Variants in TSGA10 observed in about 807,000 individuals in gnomAD.
TSGA10 encodes the protein testis-specific gene 10 protein.
TSGA10 carries 43 observed loss-of-function variants against 96.6 expected under a neutral mutation model. The observed-to-expected ratio is 0.44, with a 90% CI of 0.35 to 0.57. The LOEUF is 0.57. Ranked by LOEUF, TSGA10 falls within the 20% of genes least tolerant of loss-of-function variation. The pLI is 0.01. For synonymous variants in TSGA10, 229 were observed against 269.9 expected, an observed-to-expected ratio of 0.85 and a Z score of 1.48; for missense variants, 703 against 834.4, an observed-to-expected ratio of 0.84 and a Z score of 1.94.
chr2:99,098,438 C>CAAAAAAAAA (rs59144676), intron 10 of TSGA10, among the ~76,000 whole-genome samples: 4 of 92,612 alleles, frequency 4.3e-5, no homozygotes, highest in Admixed American at 1.1e-4. Context: ...GACTCTGCCT[C>CAAAAAAAAA]AAAAAAAAAA....
intron 16 of TSGA10, among the ~76,000 whole-genome samples, chr2:99,041,978 A>G (rs2082225191): frequency 6.6e-6 from 1 of 152,138 alleles, no homozygotes; most frequent in South Asian, 2.1e-4. Context: ...ATCAGCAAGA[A>G]AGAAACAAAC....
rs1280962331 is a variant in TSGA10 at position 99,035,350 on chromosome 2, C to A, written c.1494G>T (p.Gln498His). Residue 498 changes from glutamine to histidine, a missense_variant, in exon 17 of 21, where the codon CAG becomes CAT. Physicochemically the swap from Gln to His is conservative, Grantham distance 24. Around this residue, in one of 3 missense-constraint regions of TSGA10, gnomAD observed 585 missense variants for 656.8 expected, o/e 0.89. Coordinates refer to ENST00000393483, the MANE Select transcript of TSGA10 (RefSeq NM_025244.4). ...CTGCAAGAGCGGACACTTTTTCAAA[C>A]TGAACCTTCTGAAGCTCCTCTTCCA... ...VKMEEELQKV[Q>H]FEKVSALADL... 1.4e-5 allele frequency: 23 copies of A among 1,613,380 alleles called. No homozygotes were observed. The highest frequency in any genetic ancestry group is 1.9e-5 in the Non-Finnish European group (22 of 1,179,580).
intron 1 of TSGA10, among the ~76,000 whole-genome samples, chr2:99,131,119 G>A (rs531028244): frequency 1.3e-5 from 2 of 152,134 alleles, no homozygotes; most frequent in South Asian, 2.1e-4. Flanking sequence ...GCTATATGGG[G>A]TCTTTTTTGG....
In TSGA10 at chr2:98,997,443, A is replaced by G. The variant is rs1362496235; in HGVS notation, c.*754T>C. 1 of 152,100 alleles carries G rather than the reference A, an allele frequency of 6.6e-6. No homozygotes were observed. Among genetic ancestry groups the G allele is most frequent in the East Asian group, 1.9e-4 (1 of 5,202 alleles). The allele number at this position is 152,100 out of a possible 1,614,324, so 9.4% of individuals were successfully genotyped here. A position where few individuals can be genotyped will look rare whatever the true frequency, so the allele number is the denominator to read the frequency against. ...ATCACTTATCTTATTACTCCAGATTACAGACAGCTGCCACAGACAATAAAA... is the reference window on the plus strand; with the variant it reads ...ATCACTTATCTTATTACTCCAGATTGCAGACAGCTGCCACAGACAATAAAA... On this transcript the variant is annotated 3_prime_UTR_variant, in exon 21 of 21. Transcript: ENST00000393483.
At chr2:99,012,441 C>T (rs550531529) in intron 20 of TSGA10, among the ~76,000 whole-genome samples, 45 of 152,244 alleles carry the variant, frequency 3.0e-4, no homozygotes, top group Middle Eastern at 3.4e-3. Context: ...TCAAGAGACT[C>T]ACCTAACACA....
intron 1 of TSGA10, among the ~76,000 whole-genome samples, chr2:99,135,901 C>T (rs755348651): frequency 2.0e-5 from 3 of 150,996 alleles, no homozygotes; most frequent in Non-Finnish European, 2.9e-5. Context: ...CCCAGCTACT[C>T]GAGAGGCTGA....
chr2:99,137,524 TG>T lies in TSGA10; in HGVS notation c.-620-10349del, dbSNP rs571584640. 9.8e-5 allele frequency among the ~76,000 whole-genome samples: 15 copies of T among 152,308 alleles called. No individual in the cohort carries two copies. The East Asian group carries it at 2.9e-3, about 29-fold the overall frequency. The stretch of plus-strand genomic sequence containing the variant: ...TTTAATTGCAGTGGGAAGCCATTGG[TG>T]TATTTTTGAGCCAGGATCATCTTAT... On this transcript the variant is annotated intron_variant, in intron 1 of 20. Coordinates refer to ENST00000393483, the MANE Select transcript of TSGA10 (RefSeq NM_025244.4).
chr2:99,116,069 T>C (rs1239078790), intron 4 of TSGA10, among the ~76,000 whole-genome samples: 3 of 152,264 alleles, frequency 2.0e-5, no homozygotes, highest in Admixed American at 6.5e-5. Context: ...TATTATTTGC[T>C]ATAAGAGTCC....
intron 1 of TSGA10, among the ~76,000 whole-genome samples, chr2:99,146,815 G>T (rs1169440572): frequency 6.6e-6 from 1 of 152,142 alleles, no homozygotes; most frequent in Non-Finnish European, 1.5e-5. Context: ...TTTTAGTAGA[G>T]ACAGAGTTTC....
intron 20 of TSGA10, among the ~76,000 whole-genome samples, chr2:99,000,390 T>C (rs1447443860): frequency 1.3e-5 from 2 of 150,580 alleles, no homozygotes; most frequent in Non-Finnish European, 2.9e-5. Flanking sequence ...ACACCTGTAA[T>C]CTCACCTACT....
intron 1 of TSGA10, among the ~76,000 whole-genome samples, chr2:99,149,535 C>T (rs1259540920): frequency 3.3e-5 from 5 of 150,900 alleles, no homozygotes; most frequent in African/African-American, 9.8e-5. Flanking sequence ...CTCAGCCTCC[C>T]GGGTTCACAC....
chr2:99,061,929 A>T (rs2084739529), intron 16 of TSGA10, among the ~76,000 whole-genome samples: 1 of 152,250 alleles, frequency 6.6e-6, no homozygotes, highest in Non-Finnish European at 1.5e-5. Flanking sequence ...GCATGCACAG[A>T]AGAAAGGCCA....
In TSGA10 at chr2:99,078,271, GAAAAAAAA is replaced by G. The variant is rs200891345; in HGVS notation, c.882+380_882+387del. Among the ~76,000 whole-genome samples the G allele has an allele frequency of 6.0e-4, 49 of 81,464 alleles. No homozygotes were observed. The East Asian group carries it at 0.012, about 21-fold the overall frequency. The allele number at this position is 81,464 out of a possible 152,430, so 53.4% of individuals were successfully genotyped here. ...GGGCAAGGGAGGAAGACTCCCGTTT[GAAAAAAAA>G]AAAAAAAAAAAAAGTGTTCCTAGTT... is the stretch of plus-strand genomic sequence containing the variant. On this transcript the variant is annotated intron_variant, in intron 12 of 20. Transcript: ENST00000393483.
intron 1 of TSGA10, among the ~76,000 whole-genome samples, chr2:99,131,764 A>G (rs2093099528): frequency 1.3e-5 from 2 of 152,208 alleles, no homozygotes; most frequent in East Asian, 1.9e-4. Context: ...GTTTCTCATA[A>G]ATAGCTCTTA....
intron 1 of TSGA10, among the ~76,000 whole-genome samples, chr2:99,140,467 T>C (rs6717723): frequency 0.58 from 87,410 of 150,984 alleles, 26,146 homozygotes; most frequent in East Asian, 0.88. Context: ...CTATGCAAAC[T>C]TTCCCGAAGC....
At chr2:99,021,812 T>C (rs2080033833) in intron 17 of TSGA10, among the ~76,000 whole-genome samples, 1 of 152,326 alleles carries the variant, frequency 6.6e-6, no homozygotes, top group Middle Eastern at 3.4e-3. Flanking sequence ...ATCTAGTCTA[T>C]TCTAGTCTAT....
intron 1 of TSGA10, among the ~76,000 whole-genome samples, chr2:99,131,883 G>C (rs987988832): frequency 1.3e-5 from 2 of 152,030 alleles, no homozygotes; most frequent in Non-Finnish European, 1.5e-5. Context: ...ATAATCATGT[G>C]GTTTTTGTCA....
intron 1 of TSGA10, among the ~76,000 whole-genome samples, chr2:99,144,846 G>A (rs1432661883): frequency 6.6e-6 from 1 of 152,106 alleles, no homozygotes; most frequent in Non-Finnish European, 1.5e-5. Flanking sequence ...AGGTCCTGAA[G>A]CAGGAGAAGG....
chr2:99,130,743 G>C (rs1205705713), intron 1 of TSGA10, among the ~76,000 whole-genome samples: 2 of 151,980 alleles, frequency 1.3e-5, no homozygotes, highest in Admixed American at 1.3e-4. Flanking sequence ...TTCTAGAGTT[G>C]TTATGGTCTT....
Sources: gnomAD v4.1 joint callset for allele counts (sites outside exome capture counted in the v4.1 genomes callset) on GRCh38, gnomAD v4.1.1 for gene constraint, gnomAD v4.1.1 regional missense constraint, MANE v1.5 for transcripts, NCBI Gene and HGNC (gene_info 2026-07-23, HGNC 2026-07-21) for gene names.